Variants in ZNF433 observed in about 807,000 individuals in gnomAD.
ZNF433 encodes zinc finger protein 433.
In ZNF433, 12 loss-of-function variants were observed where a neutral mutation model predicts 10.6. The ratio of observed to expected loss-of-function variants is 1.13; its 90% CI spans 0.72 to 1.83. ZNF433 has a LOEUF of 1.83. Ranked by LOEUF, ZNF433 falls within the 40% of genes most tolerant of loss-of-function variation. ZNF433 has a pLI of 0.00. For missense variants in ZNF433, 737 were observed against 798.0 expected, an observed-to-expected ratio of 0.92 and a Z score of 0.92; for synonymous variants, 272 against 271.3, an observed-to-expected ratio of 1.00 and a Z score of -0.02.
At position 12,015,584 on chromosome 19, in the gene ZNF433, C is replaced by G; in HGVS notation, c.1274G>C (p.Gly425Ala). 6.2e-7 allele frequency: 1 copy of G among 1,613,980 alleles called. No individual in the cohort carries two copies. Residue 425 changes from glycine (G) to alanine (A), a missense_variant, in exon 4 of 4, where the codon GGG (glycine) becomes GCG (alanine). Physicochemically the swap from Gly to Ala is moderately conservative, Grantham distance 60. Coordinates refer to ENST00000550507, the MANE Select transcript of ZNF433 (RefSeq NM_001308348.2). ...GEKPYECKQCGKAFRSASLLQ... is the reference protein window; with the variant it reads ...GEKPYECKQCAKAFRSASLLQ... ...GAGTGAGGCAGATCTGAAGGCTTTCCCACATTGCTTACACTCGTAAGGTTT... is the reference window on the plus strand; with the variant it reads ...GAGTGAGGCAGATCTGAAGGCTTTCGCACATTGCTTACACTCGTAAGGTTT...
chr19:12,028,905 G>A (rs1286295143), intron 1 of ZNF433, among the ~76,000 whole-genome samples: 2 of 151,964 alleles, frequency 1.3e-5, no homozygotes, highest in Non-Finnish European at 2.9e-5. Flanking sequence ...TGTCCAGGTT[G>A]GTCTCAAACT....
chr19:12,021,070 T>A (rs1257181089), intron 1 of ZNF433, among the ~76,000 whole-genome samples: 1 of 149,200 alleles, frequency 6.7e-6, no homozygotes, highest in Non-Finnish European at 1.5e-5. Context: ...AACCTCTGCC[T>A]CCAGGTTCAA....
intron 1 of ZNF433, chr19:12,025,142 C>A (rs942871603): frequency 2.0e-5 from 3 of 152,098 alleles, no homozygotes; most frequent in Middle Eastern, 3.2e-3. Context: ...TTTTCAGAAG[C>A]CCTGTACTTC....
intron 1 of ZNF433, among the ~76,000 whole-genome samples, chr19:12,032,925 A>G (rs1280330338): frequency 2.0e-5 from 3 of 152,216 alleles, no homozygotes; most frequent in Non-Finnish European, 4.4e-5. Flanking sequence ...ACAAACCCAC[A>G]GAGGGGCAAT....
chr19:12,016,195 T>C lies in ZNF433; in HGVS notation c.663A>G (p.Lys221=), dbSNP rs1335574922. 6.2e-7 allele frequency: 1 copy of C among 1,614,180 alleles called. No individual in the cohort carries two copies. Residue 221 remains lysine (K), a synonymous_variant, in exon 4 of 4, where the codon AAA becomes AAG. Coordinates refer to ENST00000550507, the MANE Select transcript of ZNF433 (RefSeq NM_001308348.2). ...LIHKRTHTGE[K]PYQCKQCGKA... ...TACCACACTGTTTACATTGATATGGTTTCTCTCCAGTGTGAGTTCGTTTGT... is the reference window on the plus strand; with the variant it reads ...TACCACACTGTTTACATTGATATGGCTTCTCTCCAGTGTGAGTTCGTTTGT...
chr19:12,030,229 T>C, intron 1 of ZNF433: 1 of 429,320 alleles, frequency 2.3e-6, no homozygotes, highest in Non-Finnish European at 4.6e-6. Flanking sequence ...TTTTTTTATT[T>C]TTTTATTTTT....
intron 1 of ZNF433, chr19:12,026,569 C>G (rs1974743568): frequency 2.5e-6 from 1 of 399,580 alleles, no homozygotes; most frequent in African/African-American, 2.1e-5. Flanking sequence ...TGTGATCACT[C>G]TATGACACAG....
At chr19:12,035,419 G>T in intron 1 of ZNF433, 118 bp downstream of exon 1, 1 of 1,424,638 alleles carries the variant, frequency 7.0e-7, no homozygotes, top group Admixed American at 2.1e-5. Flanking sequence ...TGTCCCACGG[G>T]AAATCGGGTC....
At chr19:12,020,278 ATT>A (rs201826846) in intron 1 of ZNF433, among the ~76,000 whole-genome samples, 1 of 151,518 alleles carries the variant, frequency 6.6e-6, no homozygotes, top group African/African-American at 2.4e-5. Flanking sequence ...TCTCAAAAAA[ATT>A]TTAAAAAAAA....
intron 1 of ZNF433, chr19:12,026,620 T>C: frequency 2.3e-6 from 1 of 440,282 alleles, no homozygotes; most frequent in South Asian, 1.6e-5. Flanking sequence ...CATAATAATC[T>C]GCTCCTATAA....
chr19:12,022,435 CCATATTT>C (rs1036495323), intron 1 of ZNF433, among the ~76,000 whole-genome samples: 1 of 152,186 alleles, frequency 6.6e-6, no homozygotes, highest in Middle Eastern at 3.2e-3. Context: ...ACTCCACACT[CCATATTT>C]CTCTGTGTGT....
intron 1 of ZNF433, among the ~76,000 whole-genome samples, chr19:12,018,926 T>G (rs2145418734): frequency 6.6e-6 from 1 of 151,684 alleles, no homozygotes; most frequent in East Asian, 2.0e-4. Context: ...GGTGCGTGCC[T>G]GTAATCCCAG....
rs138713916 is a variant in ZNF433 at position 12,026,617 on chromosome 19, A to G, written c.4-8325T>C. 2.1e-3 allele frequency: 935 copies of G among 438,146 alleles called. 14 individuals are homozygous for G. Among genetic ancestry groups the G allele is most frequent in the South Asian group, 0.011 (673 of 61,280 alleles). 27.1% of individuals were successfully genotyped at this position (438,146 alleles called of 1,614,324 possible). ...TCTGGTCTCAGTATTTACCATAATA[A>G]TCTGCTCCTATAATTGAGGCATACT... On this transcript the variant is annotated intron_variant, in intron 1 of 3. Coordinates refer to ENST00000550507, the MANE Select transcript of ZNF433 (RefSeq NM_001308348.2).
intron 3 of ZNF433, 53 bp from the exon 4 acceptor site, chr19:12,016,719 A>G (rs898080992): frequency 1.3e-6 from 2 of 1,568,478 alleles, no homozygotes. Flanking sequence ...GTGATTTTAT[A>G]TTCATTCACA....
intron 3 of ZNF433, 126 bp from the exon 4 acceptor site, chr19:12,016,792 G>A: frequency 7.7e-7 from 1 of 1,297,098 alleles, no homozygotes; most frequent in Non-Finnish European, 1.0e-6. Flanking sequence ...TGCCCAGGCT[G>A]GAGTGTAGTG....
At chr19:12,033,960 T>A (rs1326405437) in intron 1 of ZNF433, among the ~76,000 whole-genome samples, 2 of 152,056 alleles carry the variant, frequency 1.3e-5, no homozygotes, top group African/African-American at 4.8e-5. Context: ...GGTCACAGGG[T>A]GGAGGGTTTG....
At position 12,016,469 on chromosome 19, in the gene ZNF433, T is replaced by A; in HGVS notation, c.389A>T (p.Glu130Val). The change falls in exon 4 of 4, where the codon GAG becomes GTG. Residue 130 changes from glutamate (E) to valine (V), a missense_variant. Coordinates refer to ENST00000550507, the MANE Select transcript of ZNF433 (RefSeq NM_001308348.2). ...TGGTTTCTGTCCATATTCTTGATAC[T>A]CATATGCCTTGTGTCCAGTGTCATC... ...IRDDTGHKAYEYQEYGQKPYK... is the reference protein window; with the variant it reads ...IRDDTGHKAYVYQEYGQKPYK... 1 of 1,614,160 alleles carries A rather than the reference T, an allele frequency of 6.2e-7. No homozygotes were observed. Among genetic ancestry groups the A allele is most frequent in the Non-Finnish European group, 8.5e-7 (1 of 1,180,022 alleles).
At chr19:12,018,363 C>T (rs757569892) in intron 1 of ZNF433, 71 bp from the exon 2 acceptor site, 3 of 1,513,770 alleles carry the variant, frequency 2.0e-6, no homozygotes, top group South Asian at 2.7e-5. Flanking sequence ...ACTCTATTCC[C>T]AAGAGGTTTC....
At chr19:12,033,496 G>A (rs1325143754) in intron 1 of ZNF433, among the ~76,000 whole-genome samples, 1 of 151,968 alleles carries the variant, frequency 6.6e-6, no homozygotes, top group Non-Finnish European at 1.5e-5. Flanking sequence ...TCCAGCCTGG[G>A]CGACAGAGCG....
Sources: allele counts gnomAD v4.1 joint callset (sites outside exome capture counted in the v4.1 genomes callset), GRCh38; gene constraint gnomAD v4.1.1; transcripts MANE v1.5; gene names NCBI Gene and HGNC (gene_info 2026-07-23, HGNC 2026-07-21).